Variants in MINDY4B observed in about 807,000 individuals in gnomAD.
MINDY4B encodes inactive ubiquitin carboxyl-terminal hydrolase MINDY-4B.
In MINDY4B, 25 loss-of-function variants were observed where a neutral mutation model predicts 16.7. The ratio of observed to expected loss-of-function variants is 1.49; its 90% CI spans 1.09 to 2.09. MINDY4B has a LOEUF of 2.09. Ranked by LOEUF, MINDY4B falls within the 30% of genes most tolerant of loss-of-function variation. MINDY4B has a pLI of 0.00. For missense variants in MINDY4B, 327 were observed against 168.4 expected (o/e 1.94, Z -5.21); for synonymous variants, 132 against 61.9 (o/e 2.13, Z -5.32).
chr3:150,903,235 C>T lies in MINDY4B; in HGVS notation c.309+14G>A, dbSNP rs1712157780. The T allele has an allele frequency of 2.5e-6, 1 of 398,362 alleles. No homozygotes were observed. Among genetic ancestry groups the T allele is most frequent in the Non-Finnish European group, 4.4e-6 (1 of 225,982 alleles). 24.7% of individuals were successfully genotyped at this position (398,362 alleles called of 1,614,324 possible). On this transcript the variant is annotated intron_variant, in intron 3 of 11. Coordinates refer to ENST00000465419, the MANE Select transcript of MINDY4B (RefSeq NM_001351281.2). The stretch of plus-strand genomic sequence containing the variant: ...TACGTTTCATTTCATGTTTAATTGA[C>T]AAGCTATACTTACCGTGGCCATTGC...
In MINDY4B at chr3:150,874,037, A is replaced by G. The variant is rs112795195; in HGVS notation, c.1060-670T>C. Reference sequence around the variant, plus strand: ...TTTTTTTTTTTTTTTTTTTTTAAAGACAGGATCTTGCTCTGTCATCCAGGC... The same window carrying G: ...TTTTTTTTTTTTTTTTTTTTTAAAGGCAGGATCTTGCTCTGTCATCCAGGC... On this transcript the variant is annotated intron_variant, in intron 10 of 11. Transcript: ENST00000465419. Among the ~76,000 whole-genome samples, 1,029 of 132,178 alleles carry G rather than the reference A, an allele frequency of 7.8e-3. 11 individuals carry two copies. Among genetic ancestry groups the G allele is most frequent in the African/African-American group, 0.029 (971 of 33,974 alleles). The allele number at this position is 132,178 out of a possible 152,430, so 86.7% of individuals were successfully genotyped here. A position where few individuals can be genotyped will look rare whatever the true frequency, so the allele number is the denominator to read the frequency against.
intron 3 of MINDY4B, among the ~76,000 whole-genome samples, chr3:150,899,880 C>T (rs554433887): frequency 3.3e-5 from 5 of 152,344 alleles, no homozygotes; most frequent in African/African-American, 1.2e-4. Flanking sequence ...CCAAAAAGCA[C>T]ACCCTGCCTA....
At chr3:150,896,982 TCTGA>T (rs1473631311) in intron 3 of MINDY4B, among the ~76,000 whole-genome samples, 1 of 152,212 alleles carries the variant, frequency 6.6e-6, no homozygotes, top group Non-Finnish European at 1.5e-5. Flanking sequence ...CTGTGAAAGC[TCTGA>T]CTGGGCCTTA....
chr3:150,879,770 G>C (rs1221891683), intron 10 of MINDY4B, among the ~76,000 whole-genome samples: 1 of 152,102 alleles, frequency 6.6e-6, no homozygotes, highest in Non-Finnish European at 1.5e-5. Flanking sequence ...GGATGACCTG[G>C]GCATTGATAG....
chr3:150,888,246 T>C (rs547046501), intron 7 of MINDY4B, among the ~76,000 whole-genome samples: 56 of 152,188 alleles, frequency 3.7e-4, no homozygotes, highest in African/African-American at 1.3e-3. Context: ...CATTATCACA[T>C]GGTGTTCTTC....
intron 5 of MINDY4B, 37 bp downstream of exon 5, chr3:150,893,287 A>G: frequency 1.4e-6 from 1 of 702,038 alleles, no homozygotes. Context: ...GATTCTAGTG[A>G]AATGGGTAAT....
At chr3:150,887,742 A>T (rs1711663522) in intron 7 of MINDY4B, among the ~76,000 whole-genome samples, 1 of 152,234 alleles carries the variant, frequency 6.6e-6, no homozygotes, top group Non-Finnish European at 1.5e-5. Flanking sequence ...ATTACAGAAA[A>T]TCGAAAGGTT....
chr3:150,879,234 A>AT (rs142625403), intron 10 of MINDY4B, among the ~76,000 whole-genome samples: 2,002 of 151,956 alleles, frequency 0.013, 47 homozygotes, highest in African/African-American at 0.046. Context: ...GCCTAAAGAG[A>AT]TTTTTTTTCT....
intron 3 of MINDY4B, among the ~76,000 whole-genome samples, chr3:150,897,764 T>A (rs189779063): frequency 6.6e-6 from 1 of 152,196 alleles, no homozygotes; most frequent in Non-Finnish European, 1.5e-5. Flanking sequence ...GAAGAAAAAC[T>A]ATGTGTTCTC....
chr3:150,891,536 T>A (rs534679012), intron 5 of MINDY4B, among the ~76,000 whole-genome samples: 52 of 151,364 alleles, frequency 3.4e-4, no homozygotes, highest in Non-Finnish European at 6.5e-4. Context: ...CTGAGGCAGG[T>A]GGATAACTTG....
chr3:150,877,689 C>T (rs1382157190), intron 10 of MINDY4B, among the ~76,000 whole-genome samples: 6 of 152,138 alleles, frequency 3.9e-5, no homozygotes, highest in African/African-American at 7.2e-5. Context: ...CACAAGCTCA[C>T]ACCACTCTAA....
intron 3 of MINDY4B, among the ~76,000 whole-genome samples, chr3:150,896,589 T>C (rs1279402860): frequency 4.6e-5 from 7 of 152,350 alleles, no homozygotes; most frequent in African/African-American, 9.6e-5. Context: ...CTTGATATAG[T>C]ACTCTCCCCT....
chr3:150,894,393 G>A (rs1355331716), intron 3 of MINDY4B, 88 bp from the exon 4 acceptor site: 1 of 595,732 alleles, frequency 1.7e-6, no homozygotes, highest in Non-Finnish European at 3.0e-6. Context: ...CCTCAAGGAG[G>A]TGGGCCTCGT....
chr3:150,893,470 C>T (rs1711872076), intron 4 of MINDY4B, 55 bp from the exon 5 acceptor site: 1 of 702,148 alleles, frequency 1.4e-6, no homozygotes, highest in South Asian at 1.5e-5. Context: ...TTAATGTTAT[C>T]TATTCTTCTC....
In MINDY4B at chr3:150,888,343, T is replaced by C. The variant is rs568402370; in HGVS notation, c.753+1977A>G. Among the ~76,000 whole-genome samples, 5 of 152,272 alleles carry C rather than the reference T, an allele frequency of 3.3e-5. No individual in the cohort carries two copies. In the South Asian group the frequency reaches 1.0e-3, roughly 32 times the overall value. The stretch of plus-strand genomic sequence containing the variant: ...TAACTGAGTCTGGCCTCATCTCAAC[T>C]TGATTACATCTAAAAGACTTTATTT... On this transcript the variant is annotated intron_variant, in intron 7 of 11. Transcript: ENST00000465419.
chr3:150,888,508 C>T (rs1456528917), intron 7 of MINDY4B, among the ~76,000 whole-genome samples: 2 of 152,076 alleles, frequency 1.3e-5, no homozygotes, highest in East Asian at 3.8e-4. Flanking sequence ...AGATCTCTGC[C>T]AAATGGAATG....
At chr3:150,875,635 A>G (rs770368830) in intron 10 of MINDY4B, among the ~76,000 whole-genome samples, 37 of 152,272 alleles carry the variant, frequency 2.4e-4, no homozygotes, top group Admixed American at 1.1e-3. Context: ...GCTACTCAAG[A>G]TTTTGTTCTA....
intron 2 of MINDY4B, among the ~76,000 whole-genome samples, chr3:150,904,736 G>A (rs185733128): frequency 1.1e-4 from 17 of 152,168 alleles, no homozygotes; most frequent in Non-Finnish European, 2.2e-4. Context: ...TTTTCTTCAG[G>A]GACACAGAAG....
intron 7 of MINDY4B, among the ~76,000 whole-genome samples, chr3:150,888,532 A>G (rs939012420): frequency 5.3e-5 from 8 of 152,066 alleles, no homozygotes; most frequent in African/African-American, 1.9e-4. Flanking sequence ...CACAGGATTG[A>G]TGCATTTTGA....
Sources: gnomAD v4.1 joint callset for allele counts (sites outside exome capture counted in the v4.1 genomes callset) on GRCh38, gnomAD v4.1.1 for gene constraint, MANE v1.5 for transcripts, NCBI Gene and HGNC (gene_info 2026-07-23, HGNC 2026-07-21) for gene names.